GRM5: variants seen among roughly 807,000 people sequenced by gnomAD.
The protein encoded by GRM5 is glutamate metabotropic receptor 5.
A neutral mutation model predicts 83.1 loss-of-function variants in GRM5; 19 were observed. The observed-to-expected ratio is 0.23, with a 90% confidence interval of 0.16 to 0.34. GRM5 has a LOEUF of 0.34. Among genes scored for constraint, GRM5 ranks in the 10% least tolerant of loss-of-function variants. The probability of loss-of-function intolerance (pLI) is 1.00; values close to 1 mark genes in which losing one functional copy is unlikely to be tolerated. For synonymous variants in GRM5, 675 were observed against 633.6 expected (o/e 1.07, Z -0.98); for missense variants, 1,160 against 1,588.3 (o/e 0.73, Z 4.58).
At chr11:88,881,800 G>T (rs1256687509) in intron 2 of GRM5, among the ~76,000 whole-genome samples, 1 of 152,106 alleles carries the variant, frequency 6.6e-6, no homozygotes, top group East Asian at 1.9e-4. Context: ...TTATTGTTCT[G>T]TGAAAATTAC....
At chr11:88,582,609 A>C (rs1248032840) in intron 7 of GRM5, among the ~76,000 whole-genome samples, 1 of 152,250 alleles carries the variant, frequency 6.6e-6, no homozygotes, top group Non-Finnish European at 1.5e-5. Flanking sequence ...TAAAATTGTA[A>C]TAATAAACTA....
rs1937829625 is a variant in GRM5, at chr11:88,597,076, T to G, written c.1563+108A>C. 3 of 642,632 alleles carry G rather than the reference T, an allele frequency of 4.7e-6. No homozygotes were observed. In the African/African-American group the frequency reaches 5.6e-5, roughly 12 times the overall value. The allele number at this position is 642,632 out of a possible 1,614,324, so 39.8% of individuals were successfully genotyped here. A position where few individuals can be genotyped will look rare whatever the true frequency, so the allele number is the denominator to read the frequency against. On this transcript the variant is annotated intron_variant, in intron 6 of 9. Transcript: ENST00000305447. Reference sequence around the variant, plus strand: ...GTGAGAATTTCTGACATTAGAAGCTTACAATATAAAAAGTAAAATAAGTGT... The same window carrying G: ...GTGAGAATTTCTGACATTAGAAGCTGACAATATAAAAAGTAAAATAAGTGT...
At chr11:89,005,845 TACC>T (rs1254350693) in intron 2 of GRM5, among the ~76,000 whole-genome samples, 1 of 152,220 alleles carries the variant, frequency 6.6e-6, no homozygotes, top group Non-Finnish European at 1.5e-5. Flanking sequence ...GTTGCTCACC[TACC>T]ATATTGTTGT....
intron 2 of GRM5, among the ~76,000 whole-genome samples, chr11:88,857,027 T>G (rs2135547438): frequency 6.6e-6 from 1 of 152,238 alleles, no homozygotes; most frequent in Non-Finnish European, 1.5e-5. Flanking sequence ...TTTTCATGAT[T>G]TTGAACACTG....
intron 2 of GRM5, among the ~76,000 whole-genome samples, chr11:88,955,414 T>C (rs916583162): frequency 7.9e-5 from 12 of 152,176 alleles, no homozygotes; most frequent in African/African-American, 1.2e-4. Flanking sequence ...CTCTTGAAAA[T>C]TGGTAAATTT....
At chr11:88,838,000 T>G (rs1397262774) in intron 3 of GRM5, among the ~76,000 whole-genome samples, 2 of 140,518 alleles carry the variant, frequency 1.4e-5, no homozygotes, top group East Asian at 2.1e-4. Context: ...CAGGAGAATG[T>G]CGTGAACCCG....
chr11:89,044,083 A>G (rs532024749), intron 2 of GRM5, among the ~76,000 whole-genome samples: 37 of 152,272 alleles, frequency 2.4e-4, no homozygotes, highest in Admixed American at 4.6e-4. Flanking sequence ...AGCACCATCA[A>G]TCCTGTGTCA....
chr11:88,681,566 T>TTTTTTTTTTTTTTTTTTTTTTTTC, intron 3 of GRM5, among the ~76,000 whole-genome samples: 1 of 29,390 alleles, frequency 3.4e-5, no homozygotes, highest in Non-Finnish European at 5.8e-5. Context: ...GAGTTCTTCC[T>TTTTTTTTTTTTTTTTTTTTTTTTC]TTTTTTTTTT....
chr11:88,625,256 T>G (rs2135262855), intron 4 of GRM5, among the ~76,000 whole-genome samples: 1 of 152,192 alleles, frequency 6.6e-6, no homozygotes, highest in African/African-American at 2.4e-5. Flanking sequence ...ATGGCCAGGC[T>G]TGCCTCCAGA....
At chr11:88,634,262 G>T (rs1159907238) in intron 4 of GRM5, among the ~76,000 whole-genome samples, 1 of 151,974 alleles carries the variant, frequency 6.6e-6, no homozygotes, top group African/African-American at 2.4e-5. Context: ...ACACCCTTAG[G>T]CTACACTAAA....
intron 2 of GRM5, among the ~76,000 whole-genome samples, chr11:88,972,023 C>T (rs773887526): frequency 2.8e-4 from 43 of 152,146 alleles, no homozygotes; most frequent in African/African-American, 9.4e-4. Flanking sequence ...ATAATTGACA[C>T]GGCAGGAGCA....
intron 2 of GRM5, among the ~76,000 whole-genome samples, chr11:89,038,234 A>T (rs1367130679): frequency 6.6e-6 from 1 of 152,110 alleles, no homozygotes; most frequent in Non-Finnish European, 1.5e-5. Context: ...AAGTCCCCTA[A>T]AATAAATGTA....
chr11:88,865,705 A>T (rs1944650871), intron 2 of GRM5, among the ~76,000 whole-genome samples: 1 of 140,314 alleles, frequency 7.1e-6, no homozygotes, highest in Admixed American at 6.9e-5. Context: ...AACTTAAACA[A>T]ATTACAAGAA....
At chr11:88,634,228 T>C (rs905323132) in intron 4 of GRM5, among the ~76,000 whole-genome samples, 2 of 152,214 alleles carry the variant, frequency 1.3e-5, no homozygotes, top group African/African-American at 4.8e-5. Context: ...CATTACTGTA[T>C]GCCACTATGA....
chr11:88,975,660 A>T (rs7942972), intron 2 of GRM5, among the ~76,000 whole-genome samples: 22,778 of 152,220 alleles, frequency 0.15, 2,319 homozygotes, highest in Non-Finnish European at 0.23. Flanking sequence ...ACTGACTCAG[A>T]AACTGCCTTT....
chr11:89,056,271 C>CT, intron 1 of GRM5, among the ~76,000 whole-genome samples: 1 of 152,132 alleles, frequency 6.6e-6, no homozygotes, highest in African/African-American at 2.4e-5. Flanking sequence ...GTCTCATTAA[C>CT]ATCATCAATT....
intron 7 of GRM5, among the ~76,000 whole-genome samples, chr11:88,589,131 A>G (rs1265729780): frequency 6.6e-6 from 1 of 151,146 alleles, no homozygotes; most frequent in Non-Finnish European, 1.5e-5. Flanking sequence ...GTTTAAAATT[A>G]GAAAAACATG....
chr11:88,835,435 G>T (rs949026439), intron 3 of GRM5, among the ~76,000 whole-genome samples: 1 of 152,166 alleles, frequency 6.6e-6, no homozygotes, highest in Admixed American at 6.5e-5. Context: ...GTTATGACTT[G>T]CATCTGTTTT....
intron 2 of GRM5, among the ~76,000 whole-genome samples, chr11:88,917,249 G>A (rs1368480857): frequency 6.6e-6 from 1 of 152,222 alleles, no homozygotes; most frequent in Non-Finnish European, 1.5e-5. Context: ...GGTGGCACCT[G>A]TATGAGTCAG....
Sources: allele counts gnomAD v4.1 joint callset (sites outside exome capture counted in the v4.1 genomes callset), GRCh38; gene constraint gnomAD v4.1.1; transcripts MANE v1.5; gene names NCBI Gene and HGNC (gene_info 2026-07-23, HGNC 2026-07-21).